DACH1: variants seen among roughly 807,000 people sequenced by gnomAD.
DACH1 encodes dachshund family transcription factor 1.
DACH1 carries 12 observed loss-of-function variants against 54.2 expected under a neutral mutation model. That is an observed-to-expected ratio of 0.22 (90% CI 0.14 to 0.36). The LOEUF (loss-of-function observed/expected upper bound fraction) is 0.36, where lower values mean the gene tolerates loss of function less well. Among genes scored for constraint, DACH1 ranks in the 10% least tolerant of loss-of-function variants. The probability of loss-of-function intolerance (pLI) is 1.00; values close to 1 mark genes in which losing one functional copy is unlikely to be tolerated. For missense variants in DACH1, 805 were observed against 929.8 expected, an observed-to-expected ratio of 0.87 and a Z score of 1.75; for synonymous variants, 386 against 366.2, an observed-to-expected ratio of 1.05 and a Z score of -0.62.
At chr13:71,571,313 G>C (rs1885178897) in intron 4 of DACH1, among the ~76,000 whole-genome samples, 1 of 152,096 alleles carries the variant, frequency 6.6e-6, no homozygotes, top group Non-Finnish European at 1.5e-5. Flanking sequence ...AGACTTAAAT[G>C]GGTTTTTCCC....
At chr13:71,676,125 T>C (rs1408377915) in intron 2 of DACH1, among the ~76,000 whole-genome samples, 1 of 152,022 alleles carries the variant, frequency 6.6e-6, no homozygotes, top group Admixed American at 6.5e-5. Flanking sequence ...TTTGCGGCTG[T>C]TTTATACTTG....
intron 2 of DACH1, among the ~76,000 whole-genome samples, chr13:71,664,779 GTAA>G (rs1879723119): frequency 6.6e-6 from 1 of 151,954 alleles, no homozygotes; most frequent in Non-Finnish European, 1.5e-5. Context: ...CCAAAATCTT[GTAA>G]TAATAACATA....
intron 3 of DACH1, among the ~76,000 whole-genome samples, chr13:71,586,714 A>G (rs1180300172): frequency 6.6e-6 from 1 of 152,132 alleles, no homozygotes; most frequent in African/African-American, 2.4e-5. Flanking sequence ...ATATACATGC[A>G]GAAAGTACTT....
At chr13:71,853,500 T>C (rs1223699845) in intron 1 of DACH1, among the ~76,000 whole-genome samples, 2 of 152,170 alleles carry the variant, frequency 1.3e-5, no homozygotes, top group Non-Finnish European at 1.5e-5. Context: ...TTTATATTCA[T>C]CTAAAATAAT....
chr13:71,772,238 T>G (rs550136987), intron 1 of DACH1, among the ~76,000 whole-genome samples: 5 of 151,820 alleles, frequency 3.3e-5, no homozygotes, highest in African/African-American at 1.2e-4. Flanking sequence ...TTAAACATAC[T>G]AAGGAATAGA....
Position 71,582,033 on chromosome 13 carries a change from A to C in DACH1, c.1127-9021T>G, listed in dbSNP as rs535556855. 2.4e-4 allele frequency among the ~76,000 whole-genome samples: 36 copies of C among 152,304 alleles called. No individual in the cohort carries two copies. In the East Asian group the frequency reaches 4.8e-3, roughly 20 times the overall value. ...CAGTGAGGAAGATTTGGAAGTCATT[A>C]ATTTGTACATAGTAGATTAAGCCAT... On this transcript the variant is annotated intron_variant, in intron 3 of 10. Coordinates refer to ENST00000613252, the MANE Select transcript of DACH1 (RefSeq NM_080759.6).
chr13:71,480,358 T>C (rs1877920799), intron 7 of DACH1, among the ~76,000 whole-genome samples: 1 of 152,174 alleles, frequency 6.6e-6, no homozygotes, highest in South Asian at 2.1e-4. Context: ...GAAAGCAAAG[T>C]TTATTCATAC....
intron 4 of DACH1, among the ~76,000 whole-genome samples, chr13:71,569,876 C>T (rs776396992): frequency 7.9e-5 from 12 of 152,000 alleles, no homozygotes; most frequent in African/African-American, 2.4e-4. Flanking sequence ...TTTATAATTC[C>T]GTCATACAGG....
chr13:71,530,975 T>C (rs999347734), intron 6 of DACH1, among the ~76,000 whole-genome samples: 2 of 152,068 alleles, frequency 1.3e-5, no homozygotes, highest in South Asian at 4.1e-4. Flanking sequence ...CTTCTTATGA[T>C]CAACGTAAGG....
intron 4 of DACH1, among the ~76,000 whole-genome samples, chr13:71,567,632 A>G (rs1018574625): frequency 1.3e-5 from 2 of 152,024 alleles, no homozygotes; most frequent in African/African-American, 4.8e-5. Flanking sequence ...CCAAAGATTA[A>G]ATAAATAGTA....
intron 2 of DACH1, among the ~76,000 whole-genome samples, chr13:71,679,973 G>A (rs1295669720): frequency 6.7e-6 from 1 of 148,250 alleles, no homozygotes; most frequent in Non-Finnish European, 1.5e-5. Context: ...GAAAAGAGAA[G>A]TTAAGATTTT....
At chr13:71,670,740 C>A (rs1444947434) in intron 2 of DACH1, among the ~76,000 whole-genome samples, 2 of 151,902 alleles carry the variant, frequency 1.3e-5, no homozygotes, top group African/African-American at 2.4e-5. Context: ...TGGGATCAGC[C>A]TAATTACAAT....
intron 3 of DACH1, among the ~76,000 whole-genome samples, chr13:71,599,496 C>T (rs1874342519): frequency 6.6e-6 from 1 of 152,076 alleles, no homozygotes; most frequent in African/African-American, 2.4e-5. Context: ...TACTTATATG[C>T]CATCTTCAGG....
intron 3 of DACH1, among the ~76,000 whole-genome samples, chr13:71,614,538 T>C (rs1875606700): frequency 6.6e-6 from 1 of 151,994 alleles, no homozygotes; most frequent in South Asian, 2.1e-4. Flanking sequence ...CATTAAGACA[T>C]CATTAATATA....
At chr13:71,654,453 A>ATAAAATAAAATAAAG (rs1566409091) in intron 2 of DACH1, among the ~76,000 whole-genome samples, 18 of 78,722 alleles carry the variant, frequency 2.3e-4, no homozygotes, top group South Asian at 8.5e-4. Context: ...ATAAAATAAA[A>ATAAAATAAAATAAAG]TAAAGTAAAA....
rs577795089 is a variant in DACH1, at chr13:71,725,723, T to C, written c.849-43813A>G. ...ACAATATTTGGGATGGCAATCATCATTGAAAATAAAACAAAAATGCAGGAT... is the reference window on the plus strand; with the variant it reads ...ACAATATTTGGGATGGCAATCATCACTGAAAATAAAACAAAAATGCAGGAT... On this transcript the variant is annotated intron_variant, in intron 1 of 10. Coordinates refer to ENST00000613252, the MANE Select transcript of DACH1 (RefSeq NM_080759.6). Among the ~76,000 whole-genome samples, 11 of 152,248 alleles carry C rather than the reference T, an allele frequency of 7.2e-5. No homozygotes were observed. In the East Asian group the frequency reaches 9.7e-4, roughly 13 times the overall value.
intron 3 of DACH1, among the ~76,000 whole-genome samples, chr13:71,625,565 T>C (rs1027890367): frequency 1.3e-5 from 2 of 152,012 alleles, no homozygotes; most frequent in Admixed American, 6.6e-5. Context: ...TTTTATTGGT[T>C]GAGGAATAGA....
intron 1 of DACH1, among the ~76,000 whole-genome samples, chr13:71,693,251 A>G (rs1303041409): frequency 6.7e-6 from 1 of 149,258 alleles, no homozygotes; most frequent in Non-Finnish European, 1.5e-5. Flanking sequence ...ACACACATAC[A>G]TTCAACAATC....
intron 6 of DACH1, among the ~76,000 whole-genome samples, chr13:71,547,578 A>G (rs1883540147): frequency 6.6e-6 from 1 of 152,146 alleles, no homozygotes; most frequent in African/African-American, 2.4e-5. Flanking sequence ...AAGTTATCAC[A>G]TACCTCTCTA....
Sources: allele counts gnomAD v4.1 joint callset (sites outside exome capture counted in the v4.1 genomes callset), GRCh38; gene constraint gnomAD v4.1.1; transcripts MANE v1.5; gene names NCBI Gene and HGNC (gene_info 2026-07-23, HGNC 2026-07-21).